NLN: variants seen among roughly 807,000 people sequenced by gnomAD.
The protein encoded by NLN is neurolysin, also known as neurolysin, mitochondrial.
In NLN, 64 loss-of-function variants were observed where a neutral mutation model predicts 79.9. That is an observed-to-expected ratio of 0.80 (90% CI 0.65 to 0.99). The LOEUF is 0.99. Ranked by LOEUF, NLN falls within the 50% of genes least tolerant of loss-of-function variation. The pLI, the probability that NLN is intolerant of heterozygous loss-of-function variation, is 0.00. For synonymous variants in NLN, 267 were observed against 296.6 expected (o/e 0.90, Z 1.02); for missense variants, 835 against 858.7 (o/e 0.97, Z 0.34).
intron 6 of NLN, among the ~76,000 whole-genome samples, chr5:65,785,407 C>A (rs999688078): frequency 6.6e-6 from 1 of 152,084 alleles, no homozygotes; most frequent in Non-Finnish European, 1.5e-5. Context: ...TATTTTACCA[C>A]AATAAAAATG....
intron 12 of NLN, among the ~76,000 whole-genome samples, chr5:65,821,632 T>A (rs1318948226): frequency 6.6e-6 from 1 of 152,222 alleles, no homozygotes; most frequent in African/African-American, 2.4e-5. Context: ...TGTTGGACAG[T>A]GCAGCCCTAG....
At chr5:65,752,687 G>C (rs1759125861) in intron 1 of NLN, among the ~76,000 whole-genome samples, 1 of 152,164 alleles carries the variant, frequency 6.6e-6, no homozygotes, top group East Asian at 1.9e-4. Context: ...TGTAACAAAG[G>C]GGAAGAGGAG....
chr5:65,752,739 T>G lies in NLN; in HGVS notation c.42-5828T>G, dbSNP rs185730801. ...GAAGATGGGAGAGGAAAAGCAGAGA[T>G]AATGCAGAAAGAAAGTACTCAGTAG... On this transcript the variant is annotated intron_variant, in intron 1 of 12. Transcript: ENST00000380985. Among the ~76,000 whole-genome samples, 13 of 152,314 alleles carry G rather than the reference T, an allele frequency of 8.5e-5. No individual in the cohort carries two copies. In the East Asian group the frequency reaches 2.3e-3, roughly 27 times the overall value.
chr5:65,747,299 C>T (rs1407797801), intron 1 of NLN, among the ~76,000 whole-genome samples: 2 of 152,126 alleles, frequency 1.3e-5, no homozygotes, highest in East Asian at 3.8e-4. Context: ...AGTAATAGGT[C>T]ATGGGAGGCA....
intron 3 of NLN, among the ~76,000 whole-genome samples, chr5:65,769,346 A>G (rs1322961918): frequency 2.0e-5 from 3 of 152,374 alleles, no homozygotes; most frequent in East Asian, 3.9e-4. Context: ...ATAGCACAAC[A>G]GGGTGACTGT....
chr5:65,795,046 T>G (rs1760144511), intron 9 of NLN, among the ~76,000 whole-genome samples: 1 of 152,070 alleles, frequency 6.6e-6, no homozygotes. Flanking sequence ...TCTTAGGTGT[T>G]TTTAAAATTC....
chr5:65,809,545 G>C lies in NLN; in HGVS notation c.1558G>C (p.Val520Leu), dbSNP rs763794414. 2 of 1,607,604 alleles carry C rather than the reference G, an allele frequency of 1.2e-6. No homozygotes were observed. Among genetic ancestry groups the C allele is most frequent in the Non-Finnish European group, 1.7e-6 (2 of 1,178,392 alleles). The change falls in exon 10 of 13, where the codon GTG becomes CTG. Residue 520 changes from valine to leucine, a missense_variant. Coordinates refer to ENST00000380985, the MANE Select transcript of NLN (RefSeq NM_020726.5). Reference protein sequence around the residue: ...TDFARFSGTNVETDFVEVPSQ... With the variant: ...TDFARFSGTNLETDFVEVPSQ... ...TTTTGCACGATTTAGCGGAACAAAT[G>C]TGGAAACTGACTTTGTAGAGGTGCC...
chr5:65,759,296 G>A (rs1381681033), intron 2 of NLN, among the ~76,000 whole-genome samples: 2 of 152,082 alleles, frequency 1.3e-5, no homozygotes, highest in African/African-American at 4.8e-5. Flanking sequence ...AGTATTTAAT[G>A]ACATGGGGAA....
At chr5:65,748,660 G>A (rs536852319) in intron 1 of NLN, among the ~76,000 whole-genome samples, 3 of 152,160 alleles carry the variant, frequency 2.0e-5, no homozygotes, top group East Asian at 1.9e-4. Flanking sequence ...GAAATGGGAG[G>A]ATCAAGTGCT....
intron 3 of NLN, among the ~76,000 whole-genome samples, chr5:65,771,254 G>C (rs1458481589): frequency 6.6e-6 from 1 of 152,198 alleles, no homozygotes; most frequent in Non-Finnish European, 1.5e-5. Context: ...TCAGAAGCCA[G>C]CAATTATGGC....
intron 1 of NLN, among the ~76,000 whole-genome samples, chr5:65,744,404 A>C (rs1439716106): frequency 6.6e-6 from 1 of 150,890 alleles, no homozygotes; most frequent in East Asian, 1.9e-4. Context: ...CTCAGTAAAT[A>C]TTTGCTGAAG....
chr5:65,792,693 GT>G (rs752785590), intron 9 of NLN, 38 bp downstream of exon 9: 2 of 1,496,402 alleles, frequency 1.3e-6, no homozygotes, highest in Non-Finnish European at 1.9e-6. Flanking sequence ...CTGCCAATTA[GT>G]TTTTTTAGAA....
intron 1 of NLN, among the ~76,000 whole-genome samples, chr5:65,740,158 A>G (rs1758838598): frequency 6.6e-6 from 1 of 152,208 alleles, no homozygotes; most frequent in Non-Finnish European, 1.5e-5. Context: ...TAGGTAATTT[A>G]TAAAGAAAAG....
chr5:65,779,578 TGAATTG>T (rs780258327), intron 4 of NLN, among the ~76,000 whole-genome samples: 3 of 152,236 alleles, frequency 2.0e-5, no homozygotes, highest in Non-Finnish European at 4.4e-5. Context: ...ATTAAAATTT[TGAATTG>T]GAAACAATTA....
intron 1 of NLN, among the ~76,000 whole-genome samples, chr5:65,737,109 A>G (rs929923593): frequency 5.9e-5 from 9 of 152,124 alleles, no homozygotes; most frequent in African/African-American, 1.9e-4. Context: ...TGTCCAGCCT[A>G]TGCGACAGAG....
At chr5:65,762,177 G>A (rs1402242679) in intron 2 of NLN, among the ~76,000 whole-genome samples, 1 of 152,144 alleles carries the variant, frequency 6.6e-6, no homozygotes, top group Non-Finnish European at 1.5e-5. Flanking sequence ...CTGGCTACTT[G>A]TTGGATGTGT....
chr5:65,780,281 G>C lies in NLN; in HGVS notation c.661G>C (p.Gly221Arg), dbSNP rs769459240. The C allele has an allele frequency of 3.1e-6, 4 of 1,293,792 alleles. No homozygotes were observed. The highest frequency in any genetic ancestry group is 4.3e-6 in the Non-Finnish European group (4 of 920,326). 80.1% of individuals were successfully genotyped at this position (1,293,792 alleles called of 1,614,324 possible). The change falls in exon 5 of 13, where the codon GGT becomes CGT. Residue 221 changes from glycine (G) to arginine (R), a missense_variant and splice_region_variant. Coordinates refer to ENST00000380985, the MANE Select transcript of NLN (RefSeq NM_020726.5). ...CCTTGTATTTTCCAAGGCTGAACTT[G>C]GTAAGTTTTATTATTTTTCTAGATT... is the stretch of plus-strand genomic sequence containing the variant. ...TFLVFSKAELGALPDDFIDSL... is the reference protein window; with the variant it reads ...TFLVFSKAELRALPDDFIDSL...
intron 1 of NLN, among the ~76,000 whole-genome samples, chr5:65,739,045 A>AT (rs1470154357): frequency 1.9e-4 from 18 of 95,494 alleles, no homozygotes; most frequent in African/African-American, 3.5e-4. Flanking sequence ...ATATATAAAA[A>AT]ATATATATAA....
chr5:65,740,181 T>G (rs1230489851), intron 1 of NLN, among the ~76,000 whole-genome samples: 1 of 152,180 alleles, frequency 6.6e-6, no homozygotes, highest in Non-Finnish European at 1.5e-5. Flanking sequence ...ATTTATTATT[T>G]ACGGTTCTGG....
Sources: allele counts gnomAD v4.1 joint callset (sites outside exome capture counted in the v4.1 genomes callset), GRCh38; gene constraint gnomAD v4.1.1; transcripts MANE v1.5; gene names NCBI Gene and HGNC (gene_info 2026-07-23, HGNC 2026-07-21).